Variants in AARS2 observed in about 807,000 individuals in gnomAD.
AARS2 encodes the protein alanine--tRNA ligase, mitochondrial.
AARS2 carries 78 observed loss-of-function variants against 119.7 expected under a neutral mutation model. The observed-to-expected ratio is 0.65, with a 90% confidence interval of 0.54 to 0.79. The LOEUF (loss-of-function observed/expected upper bound fraction) is 0.79. Ranked by LOEUF, AARS2 falls within the 30% of genes least tolerant of loss-of-function variation. The pLI is 0.00. For synonymous variants in AARS2, 502 were observed against 526.3 expected (o/e 0.95, Z 0.63); for missense variants, 1,157 against 1,291.3 (o/e 0.90, Z 1.59).
chr6:44,313,263 C>T lies in AARS2; in HGVS notation c.61G>A (p.Ala21Thr). 1 of 1,596,012 alleles carries T rather than the reference C, an allele frequency of 6.3e-7. No individual in the cohort carries two copies. Among genetic ancestry groups the T allele is most frequent in the Non-Finnish European group, 8.5e-7 (1 of 1,175,070 alleles). The change falls in exon 1 of 22, where the codon GCA (alanine) becomes ACA (threonine). Residue 21 changes from alanine (A) to threonine (T), a missense_variant. Coordinates refer to ENST00000244571, the MANE Select transcript of AARS2 (RefSeq NM_020745.4). The part of the protein sequence containing the change: ...RLRRAIRRSP[A>T]WRGLSHRPLS... ...GGCCGATGGCTGAGGCCCCGCCATG[C>T]GGGCGACCTTCGAATGGCCCGCCGC... is the stretch of plus-strand genomic sequence containing the variant.
rs1583047471 is a variant in AARS2, at chr6:44,300,264, C to A, written c.*283G>T. ...AAAGTGCTTGGATTACAGGTGTGAA[C>A]CACCACACCCGGCCAGTGAAATAAT... On this transcript the variant is annotated 3_prime_UTR_variant, in exon 22 of 22. Transcript: ENST00000244571. 1 of 487,860 alleles carries A rather than the reference C, an allele frequency of 2.0e-6. No individual in the cohort carries two copies. Among genetic ancestry groups the A allele is most frequent in the East Asian group, 3.9e-5 (1 of 25,520 alleles). The allele number at this position is 487,860 out of a possible 1,614,324, so 30.2% of individuals were successfully genotyped here. A position where few individuals can be genotyped will look rare whatever the true frequency, so the allele number is the denominator to read the frequency against.
chr6:44,306,281 A>G lies in AARS2; in HGVS notation c.1299T>C (p.Pro433=). The part of the protein sequence containing the change: ...LRTLGPSDMF[P]AEVAWSLSLC... Reference sequence around the variant, plus strand: ...GCATGGGCTAGGTATCCTGCTTACCAGGGAACATATCTGAAGGCCCCAGGG... The same window carrying G: ...GCATGGGCTAGGTATCCTGCTTACCGGGGAACATATCTGAAGGCCCCAGGG... The change falls in exon 9 of 22, where the codon CCT becomes CCC. Residue 433 remains proline (P), a splice_region_variant and synonymous_variant. Transcript: ENST00000244571. 6.2e-7 allele frequency: 1 copy of G among 1,614,056 alleles called. No individual in the cohort carries two copies. The highest frequency in any genetic ancestry group is 8.5e-7 in the Non-Finnish European group (1 of 1,179,946).
chr6:44,310,594 T>A, intron 4 of AARS2, 151 bp from the exon 5 acceptor site: 1 of 1,048,604 alleles, frequency 9.5e-7, no homozygotes, highest in South Asian at 1.5e-5. Flanking sequence ...CACCCTGCAA[T>A]AGCAGATGAT....
rs988173583 is a variant in AARS2, at chr6:44,303,108, G to A, written c.2213C>T (p.Ser738Phe). ...CACAGAGGTCTGCAGTGCGGCTTGG[G>A]AGGCTGGGTCCAATGCATGGGCCAC... The part of the protein sequence containing the change: ...VPVAHALDPA[S>F]QAALQTSVEL... Residue 738 changes from serine (S) to phenylalanine (F), a missense_variant, in exon 16 of 22, where the codon TCC becomes TTC. Transcript: ENST00000244571. 6 of 1,614,028 alleles carry A rather than the reference G, an allele frequency of 3.7e-6. No homozygotes were observed. The South Asian group carries it at 4.4e-5, about 12-fold the overall frequency.
At position 44,310,324 on chromosome 6, in the gene AARS2, G is replaced by C; in HGVS notation, c.869C>G (p.Ser290Cys). The change falls in exon 5 of 22, where the codon TCC becomes TGC. Residue 290 changes from serine to cysteine, a missense_variant. Ser to Cys is a moderately radical substitution (Grantham distance 112). Coordinates refer to ENST00000244571, the MANE Select transcript of AARS2 (RefSeq NM_020745.4). ...CTGCTGTATGGCGTTGAGCAGCGGG[G>C]AAAAGAGGTCAGTGTCATAGGTGGA... is the stretch of plus-strand genomic sequence containing the variant. ...KHSTYDTDLF[S>C]PLLNAIQQGC... 6.2e-7 allele frequency: 1 copy of C among 1,609,108 alleles called. No individual in the cohort carries two copies. The highest frequency in any genetic ancestry group is 8.5e-7 in the Non-Finnish European group (1 of 1,177,664).
chr6:44,307,688 T>C lies in AARS2; in HGVS notation c.895-294A>G. 2.0e-6 allele frequency: 1 copy of C among 500,166 alleles called. No homozygotes were observed. The highest frequency in any genetic ancestry group is 3.6e-6 in the Non-Finnish European group (1 of 275,324). The allele number at this position is 500,166 out of a possible 1,614,324, so 31.0% of individuals were successfully genotyped here. A position where few individuals can be genotyped will look rare whatever the true frequency, so the allele number is the denominator to read the frequency against. On this transcript the variant is annotated intron_variant, in intron 5 of 21. Transcript: ENST00000244571. The surrounding 1 kb of genome is among the most constrained non-coding windows in gnomAD (Gnocchi z 4.4). ...GCCTCGAATCCCCAAAACAGCCCAT[T>C]CCAGGAGGTATTAGCATGCTTGCTT...
At position 44,310,358 on chromosome 6, in the gene AARS2, C is replaced by T. The variant is rs752162906; in HGVS notation, c.835G>A (p.Gly279Ser). 1.9e-6 allele frequency: 3 copies of T among 1,613,688 alleles called. No homozygotes were observed. Among genetic ancestry groups the T allele is most frequent in the Non-Finnish European group, 1.7e-6 (2 of 1,179,886 alleles). ...GLERLVAVLQ[G>S]KHSTYDTDLF... ...TCAGTGTCATAGGTGGAGTGTTTGC[C>T]TTGCAGCACAGCCACCAGCCTTTCC... Residue 279 changes from glycine to serine, a missense_variant, in exon 5 of 22, where the codon GGC becomes AGC. Coordinates refer to ENST00000244571, the MANE Select transcript of AARS2 (RefSeq NM_020745.4).
In AARS2 at chr6:44,305,892, G is replaced by A. The variant is rs544552411; in HGVS notation, c.1301-106C>T. 51 of 1,390,758 alleles carry A rather than the reference G, an allele frequency of 3.7e-5. No homozygotes were observed. The highest frequency in any genetic ancestry group is 4.6e-5 in the Non-Finnish European group (45 of 986,340). 86.2% of individuals were successfully genotyped at this position (1,390,758 alleles called of 1,614,324 possible). On this transcript the variant is annotated intron_variant, in intron 9 of 21. Transcript: ENST00000244571. This position sits in a 1 kb window ranked among gnomAD's most constrained non-coding sequence, Gnocchi z 4.6. ...TCTAACCACGCAGAAGCCACCAGAT[G>A]CCAAACACAAATACCCGCTCCATAC... is the stretch of plus-strand genomic sequence containing the variant.
At position 44,305,623 on chromosome 6, in the gene AARS2, G is replaced by A; in HGVS notation, c.1434+30C>T. 6.2e-7 allele frequency: 1 copy of A among 1,613,208 alleles called. No homozygotes were observed. The highest frequency in any genetic ancestry group is 2.2e-5 in the East Asian group (1 of 44,880). On this transcript the variant is annotated intron_variant, in intron 10 of 21. Transcript: ENST00000244571. This position sits in a 1 kb window ranked among gnomAD's most constrained non-coding sequence, Gnocchi z 4.6. ...GGGCTGGGGAAGAGGTGTCCTAACA[G>A]AACCCAGCATGGGGTGCCACAGCTT...
Position 44,307,479 on chromosome 6 carries a change from A to G in AARS2, c.895-85T>C, listed in dbSNP as rs1299970593. ...TATCGCCTCTAGAGCATCTGCCCTCAGCCCTAAAGCCAACCACATCCAGAA... is the reference window on the plus strand; with the variant it reads ...TATCGCCTCTAGAGCATCTGCCCTCGGCCCTAAAGCCAACCACATCCAGAA... On this transcript the variant is annotated intron_variant, in intron 5 of 21. Coordinates refer to ENST00000244571, the MANE Select transcript of AARS2 (RefSeq NM_020745.4). The surrounding 1 kb of genome is among the most constrained non-coding windows in gnomAD (Gnocchi z 4.4). 13 of 1,511,286 alleles carry G rather than the reference A, an allele frequency of 8.6e-6. 1 individual carries two copies. Among genetic ancestry groups the G allele is most frequent in the Non-Finnish European group, 1.2e-5 (13 of 1,124,618 alleles). The allele number at this position is 1,511,286 out of a possible 1,614,324, so 93.6% of individuals were successfully genotyped here.
chr6:44,300,416 T>C lies in AARS2; in HGVS notation c.*131A>G. ...TGTGTCACGTAGGCCCTGGCCCAGG[T>C]GATCTTCTTTGGCTCAGCTGCTTGG... On this transcript the variant is annotated 3_prime_UTR_variant, in exon 22 of 22. Coordinates refer to ENST00000244571, the MANE Select transcript of AARS2 (RefSeq NM_020745.4). 2 of 1,344,772 alleles carry C rather than the reference T, an allele frequency of 1.5e-6. No individual in the cohort carries two copies. The highest frequency in any genetic ancestry group is 3.4e-5 in the Admixed American group (2 of 58,814). The allele number at this position is 1,344,772 out of a possible 1,614,324, so 83.3% of individuals were successfully genotyped here.
Position 44,307,946 on chromosome 6 carries a change from C to T in AARS2, c.895-552G>A, listed in dbSNP as rs554556999. Reference sequence around the variant, plus strand: ...TCACTTACCACCAAACCTCTCTCTTCCCCAAGCTTCTTCGTCTAACAGTCA... The same window carrying T: ...TCACTTACCACCAAACCTCTCTCTTTCCCAAGCTTCTTCGTCTAACAGTCA... On this transcript the variant is annotated intron_variant, in intron 5 of 21. Transcript: ENST00000244571. The surrounding 1 kb of genome is among the most constrained non-coding windows in gnomAD (Gnocchi z 4.4). Among the ~76,000 whole-genome samples, 60 of 152,328 alleles carry T rather than the reference C, an allele frequency of 3.9e-4. 1 individual carries two copies. The South Asian group carries it at 0.012, about 30-fold the overall frequency.
Position 44,305,641 on chromosome 6 carries a change from C to T in AARS2, c.1434+12G>A, listed in dbSNP as rs1230079933. 6.2e-7 allele frequency: 1 copy of T among 1,613,668 alleles called. No individual in the cohort carries two copies. The highest frequency in any genetic ancestry group is 8.5e-7 in the Non-Finnish European group (1 of 1,180,002). On this transcript the variant is annotated intron_variant, in intron 10 of 21. Transcript: ENST00000244571. This position sits in a 1 kb window ranked among gnomAD's most constrained non-coding sequence, Gnocchi z 4.6. ...CCTAACAGAACCCAGCATGGGGTGC[C>T]ACAGCTTGTACCTGGGCCTCCTCTT... is the stretch of plus-strand genomic sequence containing the variant.
Position 44,307,466 on chromosome 6 carries a change from A to G in AARS2, c.895-72T>C. Reference sequence around the variant, plus strand: ...GGTGGGTGCTCTTTATCGCCTCTAGAGCATCTGCCCTCAGCCCTAAAGCCA... The same window carrying G: ...GGTGGGTGCTCTTTATCGCCTCTAGGGCATCTGCCCTCAGCCCTAAAGCCA... On this transcript the variant is annotated intron_variant, in intron 5 of 21. Coordinates refer to ENST00000244571, the MANE Select transcript of AARS2 (RefSeq NM_020745.4). The surrounding 1 kb of genome is among the most constrained non-coding windows in gnomAD (Gnocchi z 4.4). 1 of 1,535,818 alleles carries G rather than the reference A, an allele frequency of 6.5e-7. No individual in the cohort carries two copies. Among genetic ancestry groups the G allele is most frequent in the African/African-American group, 1.4e-5 (1 of 73,326 alleles).
intron 19 of AARS2, among the ~76,000 whole-genome samples, 190 bp downstream of exon 19, chr6:44,301,870 A>T (rs1785385690): frequency 6.6e-6 from 1 of 152,126 alleles, no homozygotes; most frequent in Non-Finnish European, 1.5e-5. Flanking sequence ...TGGGGGAGAA[A>T]CACAGTTTGA....
Position 44,304,467 on chromosome 6 carries a change from G to A in AARS2, c.1819C>T (p.Pro607Ser), listed in dbSNP as rs946306333. ...GGFILHEAVA[P>S]ECLRLGDQVQ... Reference sequence around the variant, plus strand: ...TGGTCCCCTAACCGCAGGCACTCAGGGGCTACTGCCTCATGCAGGATGAAA... The same window carrying A: ...TGGTCCCCTAACCGCAGGCACTCAGAGGCTACTGCCTCATGCAGGATGAAA... The change falls in exon 13 of 22, where the codon CCT becomes TCT. Residue 607 changes from proline to serine, a missense_variant. Physicochemically the swap from Pro to Ser is moderately conservative, Grantham distance 74. Coordinates refer to ENST00000244571, the MANE Select transcript of AARS2 (RefSeq NM_020745.4). 7.4e-6 allele frequency: 12 copies of A among 1,614,164 alleles called. No individual in the cohort carries two copies. The highest frequency in any genetic ancestry group is 3.3e-5 in the Admixed American group (2 of 60,026).
chr6:44,298,988 T>G lies in AARS2; in HGVS notation c.*1559A>C, dbSNP rs1785140819. On this transcript the variant is annotated 3_prime_UTR_variant, in exon 22 of 22. Coordinates refer to ENST00000244571, the MANE Select transcript of AARS2 (RefSeq NM_020745.4). ...GCAGGTGCTGTACAACTTGTTTTAA[T>G]AAGCATATTGTTTGTCTGACCCCGC... is the stretch of plus-strand genomic sequence containing the variant. 6.6e-6 allele frequency among the ~76,000 whole-genome samples: 1 copy of G among 152,214 alleles called. No individual in the cohort carries two copies.
In AARS2 at chr6:44,305,124, C is replaced by T; in HGVS notation, c.1509G>A (p.Gln503=). ...WLDVHALGEL[Q]RQGVPPTDDS... is the part of the protein sequence containing the mutation. ...CGTCAGTTGGGGGCACTCCTTGGCG[C>T]TGCAGCTCCCCAAGCGCATGGACAT... The change falls in exon 11 of 22, where the codon CAG becomes CAA. Residue 503 remains glutamine (Q), a synonymous_variant. Transcript: ENST00000244571. This position sits in a 1 kb window ranked among gnomAD's most constrained non-coding sequence, Gnocchi z 4.6. The T allele has an allele frequency of 6.2e-7, 1 of 1,614,002 alleles. No homozygotes were observed. Among genetic ancestry groups the T allele is most frequent in the Non-Finnish European group, 8.5e-7 (1 of 1,180,038 alleles).
chr6:44,312,998 G>A (rs1019569960), intron 1 of AARS2, 83 bp downstream of exon 1: 5 of 1,584,718 alleles, frequency 3.2e-6, no homozygotes, highest in African/African-American at 1.3e-5. Flanking sequence ...TCCGCCTCTC[G>A]CTTCTTTTGC....
Sources: gnomAD v4.1 joint callset for allele counts (sites outside exome capture counted in the v4.1 genomes callset) on GRCh38, gnomAD v4.1.1 for gene constraint, Gnocchi (gnomAD v3.1) non-coding constraint, MANE v1.5 for transcripts, NCBI Gene and HGNC (gene_info 2026-07-23, HGNC 2026-07-21) for gene names.